Variants in GRM1 observed in about 807,000 individuals in gnomAD.
GRM1 encodes the protein metabotropic glutamate receptor 1.
A neutral mutation model predicts 90.9 loss-of-function variants in GRM1; 33 were observed. The ratio of observed to expected loss-of-function variants is 0.36; its 90% CI spans 0.28 to 0.49. The LOEUF is 0.49. Ranked by LOEUF, GRM1 falls within the 20% of genes least tolerant of loss-of-function variation. The probability of loss-of-function intolerance (pLI) is 0.99; values close to 1 mark genes in which losing one functional copy is unlikely to be tolerated. For synonymous variants in GRM1, 700 were observed against 613.2 expected (o/e 1.14, Z -2.09); for missense variants, 1,190 against 1,534.3 (o/e 0.78, Z 3.75).
intron 1 of GRM1, among the ~76,000 whole-genome samples, chr6:146,148,401 A>G (rs1034291567): frequency 1.3e-5 from 2 of 152,086 alleles, no homozygotes; most frequent in Non-Finnish European, 2.9e-5. Flanking sequence ...TATATTTTTA[A>G]AAATTGGATT....
At chr6:146,323,257 T>C (rs1321125207) in intron 3 of GRM1, among the ~76,000 whole-genome samples, 2 of 152,178 alleles carry the variant, frequency 1.3e-5, no homozygotes, top group Non-Finnish European at 2.9e-5. Context: ...ACCTGTTGTT[T>C]CCTGACTTTT....
At chr6:146,416,573 CTTATA>C (rs1777792747) in intron 7 of GRM1, among the ~76,000 whole-genome samples, 1 of 152,092 alleles carries the variant, frequency 6.6e-6, no homozygotes, top group Non-Finnish European at 1.5e-5. Flanking sequence ...TACATCCTAT[CTTATA>C]TTATTATTAA....
chr6:146,355,046 A>C (rs908547755), intron 4 of GRM1, among the ~76,000 whole-genome samples: 1 of 152,234 alleles, frequency 6.6e-6, no homozygotes, highest in Admixed American at 6.5e-5. Context: ...CTAAAATAAA[A>C]GTCTTTGGAA....
chr6:146,283,071 T>C (rs1329700296), intron 2 of GRM1, among the ~76,000 whole-genome samples: 1 of 152,144 alleles, frequency 6.6e-6, no homozygotes, highest in African/African-American at 2.4e-5. Flanking sequence ...TTCCCTGAAA[T>C]AGATGCTGCT....
intron 1 of GRM1, among the ~76,000 whole-genome samples, chr6:146,155,196 A>C (rs1777479240): frequency 6.6e-6 from 1 of 152,218 alleles, no homozygotes; most frequent in Non-Finnish European, 1.5e-5. Context: ...TGCACCAGTA[A>C]TGACATTTTG....
At chr6:146,065,327 T>G (rs1775809449) in intron 1 of GRM1, among the ~76,000 whole-genome samples, 2 of 152,258 alleles carry the variant, frequency 1.3e-5, no homozygotes, top group South Asian at 2.1e-4. Flanking sequence ...CAAAACCACA[T>G]TAATAGGTAG....
intron 5 of GRM1, among the ~76,000 whole-genome samples, chr6:146,360,942 C>T (rs955276831): frequency 7.9e-5 from 12 of 152,162 alleles, no homozygotes; most frequent in Non-Finnish European, 1.8e-4. Flanking sequence ...ATCACGTGGC[C>T]TCAAGAGGTC....
intron 7 of GRM1, among the ~76,000 whole-genome samples, chr6:146,403,378 A>G (rs1450244926): frequency 2.0e-5 from 3 of 152,280 alleles, no homozygotes; most frequent in South Asian, 4.1e-4. Context: ...GATATTTTGC[A>G]TGCAAAATTG....
intron 1 of GRM1, among the ~76,000 whole-genome samples, chr6:146,041,121 T>G (rs529446485): frequency 1.7e-4 from 26 of 152,144 alleles, no homozygotes; most frequent in African/African-American, 6.3e-4. Context: ...TTCAATCTCT[T>G]TGTTAAATTT....
rs148167788 is a variant in GRM1, at chr6:146,094,090, A to G, written c.700+63873A>G. Among the ~76,000 whole-genome samples, 6 of 152,248 alleles carry G rather than the reference A, an allele frequency of 3.9e-5. No homozygotes were observed. The East Asian group carries it at 1.2e-3, about 29-fold the overall frequency. On this transcript the variant is annotated intron_variant, in intron 1 of 7. Transcript: ENST00000282753. ...GTATTTTCTGATAATAATTGGCTAC[A>G]TGACTTTCTTAGATATAAATAAAAC...
intron 1 of GRM1, among the ~76,000 whole-genome samples, chr6:146,138,757 A>G (rs1305551356): frequency 2.0e-5 from 3 of 151,876 alleles, no homozygotes; most frequent in African/African-American, 4.8e-5. Context: ...AGGTTTGTCT[A>G]TCTTTTCAAA....
rs1426377424 is a variant in GRM1, at chr6:146,147,093, A to G, written c.701-12255A>G. On this transcript the variant is annotated intron_variant, in intron 1 of 7. Transcript: ENST00000282753. Reference sequence around the variant, plus strand: ...TTCTGCTTAAATCTCATTGCCTGGAACTGGGTCACTTTGCTTCTCTAGCTA... The same window carrying G: ...TTCTGCTTAAATCTCATTGCCTGGAGCTGGGTCACTTTGCTTCTCTAGCTA... 3.3e-5 allele frequency among the ~76,000 whole-genome samples: 5 copies of G among 152,338 alleles called. 1 individual carries two copies. The highest frequency in any genetic ancestry group is 3.3e-4 in the Admixed American group (5 of 15,298).
intron 1 of GRM1, among the ~76,000 whole-genome samples, chr6:146,121,193 A>G (rs1775975644): frequency 6.6e-6 from 1 of 151,824 alleles, no homozygotes; most frequent in South Asian, 2.1e-4. Context: ...GGAATTTATC[A>G]GTTTCTTCTA....
chr6:146,171,656 T>C, intron 2 of GRM1: 1 of 280,520 alleles, frequency 3.6e-6, no homozygotes, highest in Non-Finnish European at 7.5e-6. Context: ...TCATACTGAG[T>C]ACATCAAAGA....
At chr6:146,432,527 A>G (rs1410848451) in intron 7 of GRM1, among the ~76,000 whole-genome samples, 3 of 152,198 alleles carry the variant, frequency 2.0e-5, no homozygotes, top group African/African-American at 7.2e-5. Context: ...TTTCCAAACA[A>G]AAACTAGAAT....
intron 1 of GRM1, among the ~76,000 whole-genome samples, chr6:146,128,241 G>C (rs769871294): frequency 4.6e-5 from 7 of 152,124 alleles, no homozygotes; most frequent in Non-Finnish European, 1.0e-4. Context: ...TATAATTCAC[G>C]TTGTAGGAAG....
intron 7 of GRM1, among the ~76,000 whole-genome samples, chr6:146,400,410 A>AT (rs977541416): frequency 6.6e-6 from 1 of 152,142 alleles, no homozygotes; most frequent in African/African-American, 2.4e-5. Flanking sequence ...AAAAATAAAA[A>AT]AAAATAAAAA....
At chr6:146,314,915 T>C (rs115814696) in intron 3 of GRM1, among the ~76,000 whole-genome samples, 5 of 152,290 alleles carry the variant, frequency 3.3e-5, no homozygotes, top group African/African-American at 1.2e-4. Context: ...TGTTCCCTAG[T>C]GATTAATTCT....
intron 2 of GRM1, among the ~76,000 whole-genome samples, chr6:146,170,233 A>G (rs970325927): frequency 6.6e-6 from 1 of 152,074 alleles, no homozygotes; most frequent in Admixed American, 6.6e-5. Context: ...CATTTTTACT[A>G]TGCTGAGCCT....
Sources: gnomAD v4.1 joint callset for allele counts (sites outside exome capture counted in the v4.1 genomes callset) on GRCh38, gnomAD v4.1.1 for gene constraint, MANE v1.5 for transcripts, NCBI Gene and HGNC (gene_info 2026-07-23, HGNC 2026-07-21) for gene names.